PKNOX2: variants seen among roughly 807,000 people sequenced by gnomAD.
The protein encoded by PKNOX2 is homeobox protein PKNOX2.
A neutral mutation model predicts 53.1 loss-of-function variants in PKNOX2; 14 were observed. The ratio of observed to expected loss-of-function variants is 0.26; its 90% CI spans 0.17 to 0.41. The LOEUF is 0.41. Among genes scored for constraint, PKNOX2 ranks in the 10% least tolerant of loss-of-function variants. The pLI, the probability that PKNOX2 is intolerant of heterozygous loss-of-function variation, is 1.00. For missense variants in PKNOX2, 496 were observed against 602.8 expected (o/e 0.82, Z 1.85); for synonymous variants, 257 against 242.8 (o/e 1.06, Z -0.54).
chr11:125,411,509 T>TCCC (rs1410958388), intron 9 of PKNOX2: 14 of 316,708 alleles, frequency 4.4e-5, no homozygotes, highest in South Asian at 1.3e-4. Flanking sequence ...TCTCTCTCTC[T>TCCC]CCCCCCCTTC....
At chr11:125,184,667 T>C (rs1956346087) in intron 1 of PKNOX2, among the ~76,000 whole-genome samples, 1 of 152,194 alleles carries the variant, frequency 6.6e-6, no homozygotes, top group African/African-American at 2.4e-5. Context: ...CTCTGGAACC[T>C]GCCTGTGCTG....
rs535503038 is a variant in PKNOX2 at position 125,349,246 on chromosome 11, T to G, written c.-22-2038T>G. ...TCTATATCTTACCCCACCCCCACCTTTTTCCCTCTGCAATCCTCACTCTGC... is the reference window on the plus strand; with the variant it reads ...TCTATATCTTACCCCACCCCCACCTGTTTCCCTCTGCAATCCTCACTCTGC... On this transcript the variant is annotated intron_variant, in intron 3 of 12. Coordinates refer to ENST00000298282, the MANE Select transcript of PKNOX2 (RefSeq NM_001382323.2). 2.0e-5 allele frequency among the ~76,000 whole-genome samples: 3 copies of G among 151,380 alleles called. No individual in the cohort carries two copies. In the East Asian group the frequency reaches 5.9e-4, roughly 30 times the overall value.
At chr11:125,389,070 C>G (rs1953852786) in intron 6 of PKNOX2, among the ~76,000 whole-genome samples, 1 of 152,190 alleles carries the variant, frequency 6.6e-6, no homozygotes, top group African/African-American at 2.4e-5. Context: ...TGGTACATGT[C>G]TGTAATCACA....
At chr11:125,362,257 C>T (rs530703911) in intron 4 of PKNOX2, among the ~76,000 whole-genome samples, 1 of 152,172 alleles carries the variant, frequency 6.6e-6, no homozygotes, top group African/African-American at 2.4e-5. Context: ...TCACATAGTG[C>T]GATTAGTCAG....
chr11:125,263,369 G>A (rs978342019), intron 2 of PKNOX2, among the ~76,000 whole-genome samples: 1 of 152,206 alleles, frequency 6.6e-6, no homozygotes, highest in Non-Finnish European at 1.5e-5. Flanking sequence ...CAAATGGAGG[G>A]GATCTGCTGG....
chr11:125,383,445 TA>T (rs551704955), intron 5 of PKNOX2, among the ~76,000 whole-genome samples: 25,040 of 121,654 alleles, frequency 0.21, 2,454 homozygotes, highest in Middle Eastern at 0.29. Flanking sequence ...CCCTCTCTGC[TA>T]AAAAAAAAAA....
At chr11:125,366,651 A>T (rs1952205890) in intron 4 of PKNOX2, among the ~76,000 whole-genome samples, 1 of 152,234 alleles carries the variant, frequency 6.6e-6, no homozygotes, top group Non-Finnish European at 1.5e-5. Flanking sequence ...CTGAGCGGAG[A>T]TCTAAATGAA....
chr11:125,270,659 C>T (rs1945724181), intron 2 of PKNOX2, among the ~76,000 whole-genome samples: 1 of 152,202 alleles, frequency 6.6e-6, no homozygotes, highest in Admixed American at 6.5e-5. Flanking sequence ...CAATTTGCCA[C>T]TCTTTGTTTG....
At chr11:125,189,805 C>T (rs892895226) in intron 1 of PKNOX2, among the ~76,000 whole-genome samples, 1 of 151,880 alleles carries the variant, frequency 6.6e-6, no homozygotes, top group African/African-American at 2.4e-5. Flanking sequence ...ATCTTGCAGT[C>T]CCTCTTTCCC....
rs544740502 is a variant in PKNOX2, at chr11:125,220,225, G to A, written c.-200-14820G>A. ...GCTTGGACAGGTGGGAGACAGGAATGGGAGGGAAACATTGCAGTGTTTACC... is the reference window on the plus strand; with the variant it reads ...GCTTGGACAGGTGGGAGACAGGAATAGGAGGGAAACATTGCAGTGTTTACC... On this transcript the variant is annotated intron_variant, in intron 1 of 12. Transcript: ENST00000298282. 5.3e-5 allele frequency among the ~76,000 whole-genome samples: 8 copies of A among 152,302 alleles called. 1 individual carries two copies. The South Asian group carries it at 1.4e-3, about 28-fold the overall frequency.
At chr11:125,304,218 C>A (rs1241510803) in intron 2 of PKNOX2, among the ~76,000 whole-genome samples, 1 of 152,220 alleles carries the variant, frequency 6.6e-6, no homozygotes, top group Non-Finnish European at 1.5e-5. Flanking sequence ...TAAACTGCAG[C>A]CCCAGCCCCA....
intron 2 of PKNOX2, among the ~76,000 whole-genome samples, chr11:125,265,098 C>T (rs751830683): frequency 6.6e-6 from 1 of 152,110 alleles, no homozygotes; most frequent in Non-Finnish European, 1.5e-5. Context: ...ACCATCCTGG[C>T]TAACACGGTG....
At chr11:125,257,643 C>T (rs1944507188) in intron 2 of PKNOX2, among the ~76,000 whole-genome samples, 1 of 152,190 alleles carries the variant, frequency 6.6e-6, no homozygotes, top group Non-Finnish European at 1.5e-5. Flanking sequence ...CGATCCTGCC[C>T]ACAGGTAAGG....
At chr11:125,291,329 A>T (rs1040796586) in intron 2 of PKNOX2, among the ~76,000 whole-genome samples, 1 of 152,194 alleles carries the variant, frequency 6.6e-6, no homozygotes, top group Middle Eastern at 3.4e-3. Context: ...ACTAGACTTT[A>T]TTCTAATACT....
At chr11:125,366,523 C>T (rs11220034) in intron 4 of PKNOX2, among the ~76,000 whole-genome samples, 3,141 of 152,180 alleles carry the variant, frequency 0.021, 82 homozygotes, top group African/African-American at 0.056. Context: ...TACGTTTTAG[C>T]TGGGAGTGAA....
intron 2 of PKNOX2, among the ~76,000 whole-genome samples, chr11:125,284,422 T>C (rs1275865799): frequency 1.3e-5 from 2 of 152,166 alleles, no homozygotes; most frequent in Non-Finnish European, 2.9e-5. Flanking sequence ...CCAGGATAGA[T>C]TGTGGTGCGT....
intron 1 of PKNOX2, among the ~76,000 whole-genome samples, chr11:125,197,728 C>A (rs564890045): frequency 2.0e-5 from 3 of 152,168 alleles, no homozygotes; most frequent in Non-Finnish European, 2.9e-5. Context: ...GCTGGAAAGT[C>A]CCCAAGGGGA....
At chr11:125,286,029 C>A (rs1170913853) in intron 2 of PKNOX2, among the ~76,000 whole-genome samples, 1 of 152,308 alleles carries the variant, frequency 6.6e-6, no homozygotes, top group South Asian at 2.1e-4. Context: ...CAGCATGCTA[C>A]TGGTCCTGGT....
intron 1 of PKNOX2, among the ~76,000 whole-genome samples, chr11:125,179,361 G>A (rs1377401285): frequency 6.6e-6 from 1 of 152,186 alleles, no homozygotes; most frequent in African/African-American, 2.4e-5. Flanking sequence ...CACTGTGGGA[G>A]CATTCTTCAA....
Sources: gnomAD v4.1 joint callset for allele counts (sites outside exome capture counted in the v4.1 genomes callset) on GRCh38, gnomAD v4.1.1 for gene constraint, MANE v1.5 for transcripts, NCBI Gene and HGNC (gene_info 2026-07-23, HGNC 2026-07-21) for gene names.